The following PRKG1 variants were observed in gnomAD, a reference collection of about 807,000 sequenced individuals.
The protein encoded by PRKG1 is protein kinase cGMP-dependent 1.
Under a neutral mutation model 88.1 loss-of-function variants are expected in PRKG1, and 35 were observed. That is an observed-to-expected ratio of 0.40 (90% confidence interval 0.30 to 0.53). PRKG1 has a LOEUF of 0.53. Ranked by LOEUF, PRKG1 falls within the 20% of genes least tolerant of loss-of-function variation. PRKG1 has a pLI of 0.59. For synonymous variants in PRKG1, 303 were observed against 292.5 expected (o/e 1.04, Z -0.37); for missense variants, 540 against 839.8 (o/e 0.64, Z 4.41).
At chr10:51,012,705 G>A (rs1017809374) in intron 1 of PRKG1, among the ~76,000 whole-genome samples, 1 of 152,168 alleles carries the variant, frequency 6.6e-6, no homozygotes, top group Non-Finnish European at 1.5e-5. Flanking sequence ...ATTGGAGCCT[G>A]GTCTAGTAAT....
At position 51,832,516 on chromosome 10, in the gene PRKG1, T is replaced by C. The variant is rs566130070; in HGVS notation, c.698+27826T>C. Among the ~76,000 whole-genome samples the C allele has an allele frequency of 4.6e-5, 7 of 152,336 alleles. No homozygotes were observed. In the South Asian group the frequency reaches 1.4e-3, roughly 32 times the overall value. On this transcript the variant is annotated intron_variant, in intron 4 of 17. Coordinates refer to ENST00000373980, the MANE Select transcript of PRKG1 (RefSeq NM_006258.4). ...TAAAATAAATGTCTTTTTCTTATTT[T>C]TTCAAGCATTTAAAAATCTACTCTA... is the stretch of plus-strand genomic sequence containing the variant.
chr10:52,134,611 T>C (rs529073434), intron 8 of PRKG1, among the ~76,000 whole-genome samples: 14 of 152,158 alleles, frequency 9.2e-5, no homozygotes, highest in Non-Finnish European at 1.6e-4. Context: ...TTCCTTGTAA[T>C]GTATGTGGAT....
chr10:52,272,819 T>G (rs1178660765), intron 12 of PRKG1, among the ~76,000 whole-genome samples: 1 of 152,122 alleles, frequency 6.6e-6, no homozygotes. Context: ...ATTATAGTTA[T>G]TTTATAATTA....
At chr10:52,181,382 T>G (rs1007821071) in intron 9 of PRKG1, among the ~76,000 whole-genome samples, 28 of 151,422 alleles carry the variant, frequency 1.8e-4, no homozygotes, top group African/African-American at 6.3e-4. Context: ...ACTGGGTAAT[T>G]TATAATGAAA....
chr10:52,166,796 TAC>T (rs201331938), intron 9 of PRKG1, among the ~76,000 whole-genome samples: 23,276 of 59,366 alleles, frequency 0.39, 3,872 homozygotes, highest in East Asian at 0.68. Flanking sequence ...CCTATATATA[TAC>T]ATATATATAT....
At chr10:52,012,245 C>CTTTT (rs34119029) in intron 5 of PRKG1, among the ~76,000 whole-genome samples, 10 of 139,202 alleles carry the variant, frequency 7.2e-5, no homozygotes, top group African/African-American at 2.5e-4. Flanking sequence ...ATTTATTTGC[C>CTTTT]TTTTTTTTTT....
intron 5 of PRKG1, 86 bp from the exon 6 acceptor site, chr10:52,054,398 C>G: frequency 1.1e-6 from 1 of 924,688 alleles, no homozygotes; most frequent in Non-Finnish European, 1.7e-6. Context: ...ATGAATATAT[C>G]CCTGGGGGTT....
intron 7 of PRKG1, among the ~76,000 whole-genome samples, chr10:52,100,565 T>G (rs1391072945): frequency 6.6e-6 from 1 of 152,204 alleles, no homozygotes; most frequent in African/African-American, 2.4e-5. Context: ...CCCCTGAGGA[T>G]CCCTATTGAT....
At chr10:51,021,742 G>A (rs12219096) in intron 1 of PRKG1, among the ~76,000 whole-genome samples, 33,567 of 152,072 alleles carry the variant, frequency 0.22, 3,870 homozygotes, top group Non-Finnish European at 0.26. Flanking sequence ...GTGCAATGGT[G>A]CAATCTTGGT....
At chr10:51,354,920 G>A (rs940237427) in intron 2 of PRKG1, among the ~76,000 whole-genome samples, 3 of 151,932 alleles carry the variant, frequency 2.0e-5, no homozygotes, top group African/African-American at 7.2e-5. Context: ...ACAGTTATAG[G>A]GAGGACCCTC....
chr10:52,025,868 T>C (rs1017681961), intron 5 of PRKG1, among the ~76,000 whole-genome samples: 1 of 151,450 alleles, frequency 6.6e-6, no homozygotes, highest in East Asian at 2.0e-4. Flanking sequence ...AAGTCAATCC[T>C]AAGCAAAAAG....
At position 52,246,876 on chromosome 10, in the gene PRKG1, CAAAAA is replaced by C. The variant is rs756775020; in HGVS notation, c.1077-4675_1077-4671del. On this transcript the variant is annotated intron_variant, in intron 9 of 17. Transcript: ENST00000373980. ...GGGCAACAAGAGTGAAACACAGTCT[CAAAAA>C]AAAAAAAAAAAAAAAAAAGAGTCGC... Among the ~76,000 whole-genome samples, 541 of 57,214 alleles carry C rather than the reference CAAAAA, an allele frequency of 9.5e-3. 6 individuals are homozygous for C. Among genetic ancestry groups the C allele is most frequent in the African/African-American group, 0.034 (515 of 15,096 alleles). The allele number at this position is 57,214 out of a possible 152,430, so 37.5% of individuals were successfully genotyped here.
intron 4 of PRKG1, among the ~76,000 whole-genome samples, chr10:51,825,326 G>A (rs1054018051): frequency 1.3e-5 from 2 of 152,058 alleles, no homozygotes; most frequent in East Asian, 1.9e-4. Context: ...ATTCTACCAA[G>A]CTCTTTCCCC....
chr10:51,459,088 G>T (rs1480450453), intron 2 of PRKG1, among the ~76,000 whole-genome samples: 7 of 151,934 alleles, frequency 4.6e-5, no homozygotes, highest in Admixed American at 6.6e-5. Flanking sequence ...AATATAATTT[G>T]CACAATTACT....
At chr10:51,607,794 A>G (rs1192528919) in intron 3 of PRKG1, among the ~76,000 whole-genome samples, 2 of 152,204 alleles carry the variant, frequency 1.3e-5, no homozygotes, top group African/African-American at 4.8e-5. Context: ...AGTTCTTTCA[A>G]TTAGAGGAGG....
intron 1 of PRKG1, among the ~76,000 whole-genome samples, chr10:51,014,721 C>A (rs1322334860): frequency 1.3e-5 from 2 of 151,916 alleles, no homozygotes; most frequent in Non-Finnish European, 1.5e-5. Flanking sequence ...TAAATATGTA[C>A]AATTACATGT....
chr10:51,508,069 T>A (rs2132054826), intron 3 of PRKG1, among the ~76,000 whole-genome samples: 1 of 152,288 alleles, frequency 6.6e-6, no homozygotes, highest in South Asian at 2.1e-4. Context: ...CCTAGCTTTG[T>A]CATTTACTGT....
chr10:51,813,158 A>C, intron 4 of PRKG1, among the ~76,000 whole-genome samples: 1 of 152,262 alleles, frequency 6.6e-6, no homozygotes, highest in Admixed American at 6.5e-5. Context: ...AGCATAAAAT[A>C]AACAGCAAGT....
At chr10:51,061,653 T>C (rs993797577) in intron 1 of PRKG1, among the ~76,000 whole-genome samples, 2 of 152,204 alleles carry the variant, frequency 1.3e-5, no homozygotes, top group African/African-American at 4.8e-5. Flanking sequence ...TCCTTTTTCC[T>C]ATGTTTTAAG....
Sources: gnomAD v4.1 joint callset for allele counts (sites outside exome capture counted in the v4.1 genomes callset) on GRCh38, gnomAD v4.1.1 for gene constraint, MANE v1.5 for transcripts, NCBI Gene and HGNC (gene_info 2026-07-23, HGNC 2026-07-21) for gene names.